SMARCC1: variants seen among roughly 807,000 people sequenced by gnomAD.
SMARCC1 encodes the protein SWI/SNF related BAF chromatin remodeling complex subunit C1, also known as SWI/SNF complex subunit SMARCC1.
SMARCC1 carries 43 observed loss-of-function variants against 147.4 expected under a neutral mutation model. The observed-to-expected ratio is 0.29, with a 90% CI of 0.23 to 0.38. The LOEUF (loss-of-function observed/expected upper bound fraction) is 0.38, where lower values mean the gene tolerates loss of function less well. Ranked by LOEUF, SMARCC1 falls within the 10% of genes least tolerant of loss-of-function variation. The probability of loss-of-function intolerance (pLI) is 1.00; values close to 1 mark genes in which losing one functional copy is unlikely to be tolerated. For synonymous variants in SMARCC1, 495 were observed against 484.4 expected, an observed-to-expected ratio of 1.02 and a Z score of -0.29; for missense variants, 1,119 against 1,381.1, an observed-to-expected ratio of 0.81 and a Z score of 3.01.
Position 47,736,127 on chromosome 3 carries a change from C to A in SMARCC1, c.484-1G>T. Reference sequence around the variant, plus strand: ...TGTTGGGTCTGGTCAAACAATTGTTCTGAGGATGAAAAGAACAGACTTTCA... The same window carrying A: ...TGTTGGGTCTGGTCAAACAATTGTTATGAGGATGAAAAGAACAGACTTTCA... On this transcript the variant is annotated splice_acceptor_variant, in intron 4 of 27. Transcript: ENST00000254480. LOFTEE classifies it high-confidence loss of function. 1 of 1,538,748 alleles carries A rather than the reference C, an allele frequency of 6.5e-7. No individual in the cohort carries two copies. The highest frequency in any genetic ancestry group is 1.2e-5 in the South Asian group (1 of 84,498).
intron 8 of SMARCC1, among the ~76,000 whole-genome samples, chr3:47,712,524 C>A (rs886273421): frequency 2.6e-5 from 4 of 151,996 alleles, no homozygotes; most frequent in African/African-American, 9.7e-5. Flanking sequence ...TGACAGCTAA[C>A]AACTGTTTGT....
intron 21 of SMARCC1, among the ~76,000 whole-genome samples, chr3:47,643,932 T>C (rs1477963799): frequency 1.3e-5 from 2 of 152,186 alleles, no homozygotes; most frequent in Non-Finnish European, 2.9e-5. Context: ...AGCTCACGCC[T>C]ATAATCTCAG....
chr3:47,769,891 T>TAGGGCAAATCCCAC (rs1332433010), intron 2 of SMARCC1, among the ~76,000 whole-genome samples: 1 of 152,100 alleles, frequency 6.6e-6, no homozygotes, highest in African/African-American at 2.4e-5. Flanking sequence ...CCACACTAAC[T>TAGGGCAAATCCCAC]ACCAGGGCAA....
intron 4 of SMARCC1, 125 bp downstream of exon 4, chr3:47,737,904 C>T (rs1304479364): frequency 3.3e-5 from 15 of 457,658 alleles, no homozygotes; most frequent in African/African-American, 1.9e-4. Context: ...CCTCGTGATC[C>T]GCCTTGCCTC....
At chr3:47,643,123 A>C (rs1352842433) in intron 21 of SMARCC1, among the ~76,000 whole-genome samples, 1 of 152,202 alleles carries the variant, frequency 6.6e-6, no homozygotes, top group Non-Finnish European at 1.5e-5. Flanking sequence ...CAAAATAAGG[A>C]GTTGAGCAAG....
intron 21 of SMARCC1, among the ~76,000 whole-genome samples, chr3:47,660,885 T>C (rs184572186): frequency 2.0e-5 from 3 of 152,342 alleles, no homozygotes; most frequent in East Asian, 3.9e-4. Context: ...AGGAATTTTA[T>C]GTTACAGGAA....
At chr3:47,743,135 A>G (rs1000998241) in intron 3 of SMARCC1, among the ~76,000 whole-genome samples, 1 of 152,214 alleles carries the variant, frequency 6.6e-6, no homozygotes, top group African/African-American at 2.4e-5. Context: ...TCAATTAAAG[A>G]ACACAGACAA....
chr3:47,616,388 A>G (rs2032646027), intron 25 of SMARCC1, among the ~76,000 whole-genome samples: 1 of 152,148 alleles, frequency 6.6e-6, no homozygotes, highest in South Asian at 2.1e-4. Flanking sequence ...ATGCTTTAAA[A>G]TATGAGGGAG....
intron 12 of SMARCC1, 114 bp downstream of exon 12, chr3:47,693,127 C>A (rs1253054497): frequency 1.4e-6 from 1 of 721,956 alleles, no homozygotes; most frequent in Admixed American, 2.3e-5. Context: ...CTATATTACA[C>A]CACTGCACTC....
At chr3:47,718,628 T>C (rs1048404149) in intron 7 of SMARCC1, among the ~76,000 whole-genome samples, 19 of 152,032 alleles carry the variant, frequency 1.2e-4, no homozygotes, top group African/African-American at 4.6e-4. Flanking sequence ...GCTCGGATGA[T>C]GGGTGCACCA....
At chr3:47,614,784 T>A (rs947553025) in intron 25 of SMARCC1, among the ~76,000 whole-genome samples, 1 of 152,220 alleles carries the variant, frequency 6.6e-6, no homozygotes, top group Non-Finnish European at 1.5e-5. Context: ...CCTGATAAAC[T>A]GTAAGGAAGA....
At chr3:47,704,292 T>G (rs1576416738) in intron 10 of SMARCC1, among the ~76,000 whole-genome samples, 1 of 152,122 alleles carries the variant, frequency 6.6e-6, no homozygotes, top group African/African-American at 2.4e-5. Flanking sequence ...GGAAAACAGA[T>G]TTCAAAATAT....
At chr3:47,671,189 A>ACAAAC in intron 18 of SMARCC1, among the ~76,000 whole-genome samples, 1 of 145,818 alleles carries the variant, frequency 6.9e-6, no homozygotes, top group East Asian at 2.0e-4. Flanking sequence ...AAAAAAAAAA[A>ACAAAC]AAAAAAAAAC....
In SMARCC1 at chr3:47,735,998, G is replaced by A. The variant is rs186224838; in HGVS notation, c.576+36C>T. On this transcript the variant is annotated intron_variant, in intron 5 of 27. Transcript: ENST00000254480. ...CTTACAACTACAAAATGAAGTGATCGTGTCTATTATTATCTGAAGTGATTG... is the reference window on the plus strand; with the variant it reads ...CTTACAACTACAAAATGAAGTGATCATGTCTATTATTATCTGAAGTGATTG... 1.1e-3 allele frequency: 1,048 copies of A among 927,630 alleles called. 4 individuals carry two copies. The highest frequency in any genetic ancestry group is 2.5e-3 in the South Asian group (146 of 57,302). The allele number at this position is 927,630 out of a possible 1,614,324, so 57.5% of individuals were successfully genotyped here.
Position 47,713,636 on chromosome 3 carries a change from T to A in SMARCC1, c.792+779A>T, listed in dbSNP as rs1004579201. On this transcript the variant is annotated intron_variant, in intron 8 of 27. Coordinates refer to ENST00000254480, the MANE Select transcript of SMARCC1 (RefSeq NM_003074.4). Reference sequence around the variant, plus strand: ...GTAGCTCAGGCTGGTCAAGCAATCCTCCTGCCTTAGCCTCCCAAAGTGTTG... The same window carrying A: ...GTAGCTCAGGCTGGTCAAGCAATCCACCTGCCTTAGCCTCCCAAAGTGTTG... Among the ~76,000 whole-genome samples the A allele has an allele frequency of 4.6e-4, 70 of 152,042 alleles. 1 individual carries two copies. Among genetic ancestry groups the A allele is most frequent in the Non-Finnish European group, 7.4e-5 (5 of 67,998 alleles).
rs1159301553 is a variant in SMARCC1 at position 47,701,376 on chromosome 3, C to G, written c.1067G>C (p.Arg356Thr). The G allele has an allele frequency of 6.2e-7, 1 of 1,613,824 alleles. No individual in the cohort carries two copies. Among genetic ancestry groups the G allele is most frequent in the South Asian group, 1.1e-5 (1 of 91,056 alleles). Reference sequence around the variant, plus strand: ...TTGCTCATCTTCCTCTTTCTGACTTCTGCGCTTCCCATAAAGGCTAGCTTG... The same window carrying G: ...TTGCTCATCTTCCTCTTTCTGACTTGTGCGCTTCCCATAAAGGCTAGCTTG... ...KGQASLYGKR[R>T]SQKEEDEQED... The change falls in exon 11 of 28, where the codon AGA becomes ACA. Residue 356 changes from arginine (R) to threonine (T), a missense_variant. Physicochemically the swap from Arg to Thr is moderately conservative, Grantham distance 71. This residue lies in a region of SMARCC1 where 542 missense variants were observed against 611.8 expected (regional missense o/e 0.89). Coordinates refer to ENST00000254480, the MANE Select transcript of SMARCC1 (RefSeq NM_003074.4).
At chr3:47,598,853 A>G (rs2032341254) in intron 26 of SMARCC1, among the ~76,000 whole-genome samples, 1 of 127,060 alleles carries the variant, frequency 7.9e-6, no homozygotes, top group Non-Finnish European at 1.7e-5. Context: ...AAAAAAAAAG[A>G]GAGAGAGAGA....
At chr3:47,690,051 T>A (rs1212910099) in intron 12 of SMARCC1, among the ~76,000 whole-genome samples, 3 of 152,276 alleles carry the variant, frequency 2.0e-5, no homozygotes, top group East Asian at 3.9e-4. Context: ...TAAGGCATGA[T>A]GAAGTTCAAA....
At chr3:47,616,431 G>A (rs2032646694) in intron 25 of SMARCC1, among the ~76,000 whole-genome samples, 1 of 152,028 alleles carries the variant, frequency 6.6e-6, no homozygotes, top group African/African-American at 2.4e-5. Flanking sequence ...CTGAGTTCAT[G>A]ATACCCATAA....
Sources: allele counts gnomAD v4.1 joint callset (sites outside exome capture counted in the v4.1 genomes callset), GRCh38; gene constraint gnomAD v4.1.1; regional missense constraint gnomAD v4.1.1; transcripts MANE v1.5; gene names NCBI Gene and HGNC (gene_info 2026-07-23, HGNC 2026-07-21).